Variants in C9orf57 observed in about 807,000 individuals in gnomAD.
C9orf57 encodes the protein chromosome 9 open reading frame 57, also known as uncharacterized protein C9orf57.
C9orf57 carries 12 observed loss-of-function variants against 12.9 expected under a neutral mutation model. The ratio of observed to expected loss-of-function variants is 0.93; its 90% confidence interval spans 0.60 to 1.51. C9orf57 has a LOEUF of 1.51. Ranked by LOEUF, C9orf57 falls within the 40% of genes most tolerant of loss-of-function variation. C9orf57 has a pLI of 0.00. For synonymous variants in C9orf57, 49 were observed against 57.1 expected (o/e 0.86, Z 0.64); for missense variants, 141 against 162.8 (o/e 0.87, Z 0.73).
rs41316496 is a variant in C9orf57 at position 72,060,591 on chromosome 9, G to A, written c.-148C>T. Reference sequence around the variant, plus strand: ...TACAATTTGTGATGTGATGAAGTCCGTTACAACTGAAAGCGACACTCTGAT... The same window carrying A: ...TACAATTTGTGATGTGATGAAGTCCATTACAACTGAAAGCGACACTCTGAT... On this transcript the variant is annotated 5_prime_UTR_variant, in exon 1 of 5. In the 5' UTR this introduces an upstream ATG that the reference lacks. Transcript: ENST00000651200. 5.8e-4 allele frequency: 878 copies of A among 1,523,386 alleles called. No individual in the cohort carries two copies. The highest frequency in any genetic ancestry group is 7.2e-4 in the Non-Finnish European group (812 of 1,128,854). 94.4% of individuals were successfully genotyped at this position (1,523,386 alleles called of 1,614,324 possible). A position where few individuals can be genotyped will look rare whatever the true frequency, so the allele number is the denominator to read the frequency against.
At chr9:72,054,840 C>T (rs181062006) in intron 4 of C9orf57, among the ~76,000 whole-genome samples, 1 of 150,574 alleles carries the variant, frequency 6.6e-6, no homozygotes, top group East Asian at 1.9e-4. Context: ...GGAATTATCA[C>T]ACATTTTATA....
chr9:72,052,761 A>G (rs533350962), intron 4 of C9orf57, among the ~76,000 whole-genome samples: 1 of 152,328 alleles, frequency 6.6e-6, no homozygotes, highest in South Asian at 2.1e-4. Context: ...CCTGATAATC[A>G]TCCCCCAGTT....
intron 4 of C9orf57, among the ~76,000 whole-genome samples, chr9:72,054,101 C>A (rs574176107): frequency 6.6e-6 from 1 of 152,222 alleles, no homozygotes; most frequent in African/African-American, 2.4e-5. Context: ...CGGGTTCAAG[C>A]GATTCTCCTG....
chr9:72,052,408 C>A lies in C9orf57; in HGVS notation c.308G>T (p.Gly103Val). ...QGGIQWYSVKGCTKNTSECFK... is the reference protein window; with the variant it reads ...QGGIQWYSVKVCTKNTSECFK... ...GCACTCTGATGTGTTCTTTGTGCAG[C>A]CTTTGACTGAATACCATTGAATGCC... is the stretch of plus-strand genomic sequence containing the variant. Residue 103 changes from glycine (G) to valine (V), a missense_variant, in exon 5 of 5, where the codon GGC (glycine) becomes GTC (valine). Transcript: ENST00000651200. 1 of 1,552,086 alleles carries A rather than the reference C, an allele frequency of 6.4e-7. No homozygotes were observed. Among genetic ancestry groups the A allele is most frequent in the Non-Finnish European group, 8.7e-7 (1 of 1,147,066 alleles).
chr9:72,052,976 C>T (rs374887746), intron 4 of C9orf57, among the ~76,000 whole-genome samples: 1 of 152,188 alleles, frequency 6.6e-6, no homozygotes, highest in African/African-American at 2.4e-5. Context: ...AATTCTACCA[C>T]CCCAGTTTCA....
At chr9:72,057,684 T>C (rs189212189) in intron 2 of C9orf57, among the ~76,000 whole-genome samples, 1 of 152,314 alleles carries the variant, frequency 6.6e-6, no homozygotes, top group Non-Finnish European at 1.5e-5. Context: ...AGTGCTTAAT[T>C]AAATCACCCC....
In C9orf57 at chr9:72,059,383, T is replaced by TTA; in HGVS notation, c.-53_-52insTA. ...GAAAGGAAAGACACGTCCCACTGAT[T>TTA]TCTGGGGAAGCAATAAAGTTACACA... On this transcript the variant is annotated splice_region_variant and 5_prime_UTR_variant, in exon 2 of 5. Coordinates refer to ENST00000651200, the MANE Select transcript of C9orf57 (RefSeq NM_001128618.2). 1 of 1,551,696 alleles carries TTA rather than the reference T, an allele frequency of 6.4e-7. No individual in the cohort carries two copies. The highest frequency in any genetic ancestry group is 2.4e-5 in the East Asian group (1 of 40,914).
chr9:72,052,714 A>G lies in C9orf57; in HGVS notation c.281-279T>C, dbSNP rs148172984. 1.7e-4 allele frequency among the ~76,000 whole-genome samples: 26 copies of G among 152,336 alleles called. No homozygotes were observed. In the East Asian group the frequency reaches 4.6e-3, roughly 27 times the overall value. On this transcript the variant is annotated intron_variant, in intron 4 of 4. Transcript: ENST00000651200. ...AAAAGCCATGCAATTGCCATTGACT[A>G]TGTAGAATTTCTGAAGTGCAAGCTG... is the stretch of plus-strand genomic sequence containing the variant.
intron 2 of C9orf57, among the ~76,000 whole-genome samples, chr9:72,057,086 A>G (rs1166228014): frequency 6.6e-6 from 1 of 151,252 alleles, no homozygotes; most frequent in Non-Finnish European, 1.5e-5. Flanking sequence ...AGCTTTTTGT[A>G]TGTTTAGTGG....
At chr9:72,056,240 C>A (rs200856635) in intron 3 of C9orf57, 44 bp from the exon 4 acceptor site, 14 of 1,490,920 alleles carry the variant, frequency 9.4e-6, no homozygotes, top group African/African-American at 5.6e-5. Flanking sequence ...GTGATAGATA[C>A]GAGAGAGAAA....
intron 4 of C9orf57, among the ~76,000 whole-genome samples, chr9:72,053,223 A>G (rs971213759): frequency 1.3e-5 from 2 of 152,158 alleles, no homozygotes; most frequent in Non-Finnish European, 2.9e-5. Flanking sequence ...TACATCCTAC[A>G]ATACAAAAGA....
rs138886794 is a variant in C9orf57, at chr9:72,052,251, C to G, written c.*45G>C. On this transcript the variant is annotated 3_prime_UTR_variant, in exon 5 of 5. Transcript: ENST00000651200. ...ATTTTGTGATAGCCAGGTCAGGCTT[C>G]GAGACTGATTGATCTGCCAAGCATT... The G allele has an allele frequency of 2.0e-5, 31 of 1,543,614 alleles. No homozygotes were observed. In the South Asian group the frequency reaches 3.7e-4, roughly 19 times the overall value.
intron 1 of C9orf57, 118 bp downstream of exon 1, chr9:72,060,379 C>G: frequency 3.1e-6 from 2 of 655,178 alleles, no homozygotes; most frequent in Non-Finnish European, 2.8e-6. Context: ...CTGCAAAAGA[C>G]CTTATTTATG....
At chr9:72,053,719 T>C (rs1824129388) in intron 4 of C9orf57, among the ~76,000 whole-genome samples, 1 of 152,198 alleles carries the variant, frequency 6.6e-6, no homozygotes, top group Admixed American at 6.5e-5. Context: ...GACCCCATGA[T>C]TCTCATCCTC....
chr9:72,059,094 C>T, intron 2 of C9orf57, 141 bp downstream of exon 2: 1 of 1,036,600 alleles, frequency 9.6e-7, no homozygotes, highest in South Asian at 1.8e-5. Context: ...TCAGGCTGGT[C>T]TTGAACTCCC....
chr9:72,060,120 C>A (rs529584856), intron 1 of C9orf57, among the ~76,000 whole-genome samples: 1 of 152,242 alleles, frequency 6.6e-6, no homozygotes, highest in African/African-American at 2.4e-5. Flanking sequence ...GATCTCAGCT[C>A]ACTGCAACTT....
At chr9:72,056,907 G>T in intron 2 of C9orf57, 64 bp from the exon 3 acceptor site, 5 of 1,285,126 alleles carry the variant, frequency 3.9e-6, no homozygotes, top group Non-Finnish European at 2.1e-6. Context: ...ACATATATAT[G>T]TATACTTTTT....
intron 2 of C9orf57, among the ~76,000 whole-genome samples, chr9:72,057,237 T>A (rs1398680488): frequency 6.6e-6 from 1 of 151,214 alleles, no homozygotes; most frequent in African/African-American, 2.4e-5. Context: ...AAATTATTAT[T>A]TTTTTTTGAG....
intron 2 of C9orf57, among the ~76,000 whole-genome samples, chr9:72,057,572 G>A (rs979185340): frequency 1.1e-4 from 17 of 152,092 alleles, no homozygotes; most frequent in Admixed American, 3.9e-4. Context: ...ATTTCGAAGC[G>A]TATGCTGTAT....
Sources: allele counts gnomAD v4.1 joint callset (sites outside exome capture counted in the v4.1 genomes callset), GRCh38; gene constraint gnomAD v4.1.1; transcripts MANE v1.5; gene names NCBI Gene and HGNC (gene_info 2026-07-23, HGNC 2026-07-21).